The following SNTB1 variants were observed in gnomAD, a reference collection of about 807,000 sequenced individuals.
SNTB1 encodes beta-1-syntrophin.
Under a neutral mutation model 48.9 loss-of-function variants are expected in SNTB1, and 36 were observed. The observed-to-expected ratio is 0.74, with a 90% confidence interval of 0.56 to 0.97. The LOEUF is 0.97. SNTB1 is among the 50% of genes least tolerant of loss of function. The pLI, the probability that SNTB1 is intolerant of heterozygous loss-of-function variation, is 0.00. For synonymous variants in SNTB1, 299 were observed against 294.6 expected (o/e 1.01, Z -0.15); for missense variants, 786 against 703.4 (o/e 1.12, Z -1.33).
At chr8:120,740,892 A>T (rs944908498) in intron 1 of SNTB1, among the ~76,000 whole-genome samples, 3 of 152,190 alleles carry the variant, frequency 2.0e-5, no homozygotes, top group African/African-American at 7.2e-5. Context: ...GCACACAACC[A>T]CTAGGAAGTG....
chr8:120,698,554 A>G (rs1262934139), intron 1 of SNTB1, among the ~76,000 whole-genome samples: 10 of 152,208 alleles, frequency 6.6e-5, no homozygotes, highest in Non-Finnish European at 1.5e-5. Context: ...AATAAAAAAA[A>G]AAGCAAAAGA....
chr8:120,564,564 G>GTTTT (rs71306893), intron 4 of SNTB1, among the ~76,000 whole-genome samples: 34,314 of 84,236 alleles, frequency 0.41, 8,779 homozygotes, highest in Non-Finnish European at 0.53. Flanking sequence ...TATTATTCTG[G>GTTTT]TTTTTTTTTT....
intron 2 of SNTB1, among the ~76,000 whole-genome samples, chr8:120,653,762 G>A (rs921772185): frequency 2.6e-5 from 4 of 151,916 alleles, no homozygotes; most frequent in Non-Finnish European, 4.4e-5. Flanking sequence ...TCTTAGGGCC[G>A]GGTGCTGTGG....
At chr8:120,542,127 T>C (rs1815298990) in intron 5 of SNTB1, 127 bp from the exon 6 acceptor site, 1 of 638,308 alleles carries the variant, frequency 1.6e-6, no homozygotes, top group African/African-American at 1.8e-5. Flanking sequence ...AAAATAAAAA[T>C]ATAGTCATTG....
chr8:120,629,212 C>G (rs967656512), intron 3 of SNTB1, among the ~76,000 whole-genome samples: 2 of 152,130 alleles, frequency 1.3e-5, no homozygotes, highest in African/African-American at 4.8e-5. Flanking sequence ...AGCCATTCTT[C>G]AAGTCTCCTG....
intron 2 of SNTB1, among the ~76,000 whole-genome samples, chr8:120,687,351 G>C (rs1204035143): frequency 6.6e-6 from 1 of 152,150 alleles, no homozygotes; most frequent in Non-Finnish European, 1.5e-5. Context: ...CCACTGTTTC[G>C]TACTCACAGG....
chr8:120,715,710 A>C (rs1209266617), intron 1 of SNTB1, among the ~76,000 whole-genome samples: 1 of 152,252 alleles, frequency 6.6e-6, no homozygotes, highest in Non-Finnish European at 1.5e-5. Flanking sequence ...GGTTAAAGTG[A>C]CAGGCAATTA....
At chr8:120,692,206 C>T (rs1057084534) in intron 2 of SNTB1, among the ~76,000 whole-genome samples, 4 of 152,068 alleles carry the variant, frequency 2.6e-5, no homozygotes, top group Non-Finnish European at 5.9e-5. Context: ...GCCCTGGCAG[C>T]GTCCTTAGAG....
chr8:120,753,376 T>G (rs185923919), intron 1 of SNTB1, among the ~76,000 whole-genome samples: 1 of 152,238 alleles, frequency 6.6e-6, no homozygotes, highest in African/African-American at 2.4e-5. Context: ...CCACTCCACC[T>G]CCCAGACTTG....
intron 1 of SNTB1, among the ~76,000 whole-genome samples, chr8:120,789,209 C>A (rs1369418920): frequency 2.0e-5 from 3 of 151,590 alleles, no homozygotes; most frequent in Admixed American, 1.3e-4. Flanking sequence ...CACAGTGAAA[C>A]AAATGATCAA....
intron 1 of SNTB1, among the ~76,000 whole-genome samples, chr8:120,718,342 G>C (rs1462418150): frequency 6.6e-6 from 1 of 152,186 alleles, no homozygotes; most frequent in Non-Finnish European, 1.5e-5. Flanking sequence ...CTTGCGAGCT[G>C]AGCTGTCCAC....
chr8:120,690,192 C>T (rs1818101533), intron 2 of SNTB1, among the ~76,000 whole-genome samples: 1 of 152,154 alleles, frequency 6.6e-6, no homozygotes, highest in African/African-American at 2.4e-5. Context: ...TCTTACTGTG[C>T]CTACTTTATA....
At chr8:120,790,070 G>A (rs1819999060) in intron 1 of SNTB1, among the ~76,000 whole-genome samples, 1 of 151,850 alleles carries the variant, frequency 6.6e-6, no homozygotes, top group Non-Finnish European at 1.5e-5. Context: ...TCCAGGGATG[G>A]AGGCCTGTTT....
At chr8:120,545,023 G>A (rs981991615) in intron 5 of SNTB1, among the ~76,000 whole-genome samples, 1 of 152,110 alleles carries the variant, frequency 6.6e-6, no homozygotes, top group Admixed American at 6.5e-5. Context: ...CCTACTACAT[G>A]TTAACACATG....
chr8:120,625,294 G>C (rs1473783051), intron 3 of SNTB1, among the ~76,000 whole-genome samples: 2 of 152,072 alleles, frequency 1.3e-5, no homozygotes, highest in Non-Finnish European at 2.9e-5. Flanking sequence ...AAGTTCTATG[G>C]TTCTCTCCAA....
intron 1 of SNTB1, among the ~76,000 whole-genome samples, chr8:120,724,528 G>C (rs1818722081): frequency 6.6e-6 from 1 of 152,190 alleles, no homozygotes; most frequent in South Asian, 2.1e-4. Flanking sequence ...GGGGAAGAAG[G>C]GTTGAGTAGT....
At chr8:120,654,151 TGTAAGGAACATACATAAA>T (rs1387923453) in intron 2 of SNTB1, among the ~76,000 whole-genome samples, 5 of 150,158 alleles carry the variant, frequency 3.3e-5, no homozygotes, top group African/African-American at 1.2e-4. Flanking sequence ...ACCATTCTGA[TGTAAGGAACATACATAAA>T]GCATGCTGGC....
chr8:120,687,535 T>C (rs4871096), intron 2 of SNTB1, among the ~76,000 whole-genome samples: 73,409 of 151,782 alleles, frequency 0.48, 23,155 homozygotes, highest in African/African-American at 0.87. Flanking sequence ...GAAAGGAGGG[T>C]TTTCAGCTTA....
intron 3 of SNTB1, among the ~76,000 whole-genome samples, chr8:120,594,001 T>C (rs1000076268): frequency 6.6e-6 from 1 of 152,184 alleles, no homozygotes; most frequent in Non-Finnish European, 1.5e-5. Context: ...TTTGATACTT[T>C]TGTTATGTAT....
Sources: allele counts gnomAD v4.1 joint callset (sites outside exome capture counted in the v4.1 genomes callset), GRCh38; gene constraint gnomAD v4.1.1; transcripts MANE v1.5; gene names NCBI Gene and HGNC (gene_info 2026-07-23, HGNC 2026-07-21).